FAM162A: variants seen among roughly 807,000 people sequenced by gnomAD.
The protein encoded by FAM162A is protein FAM162A.
A neutral mutation model predicts 21.8 loss-of-function variants in FAM162A; 23 were observed. The ratio of observed to expected loss-of-function variants is 1.05; its 90% CI spans 0.76 to 1.49. The LOEUF is 1.49. FAM162A is among the 40% of genes most tolerant of loss of function. The probability of loss-of-function intolerance (pLI) is 0.00; values close to 1 mark genes in which losing one functional copy is unlikely to be tolerated. For synonymous variants in FAM162A, 53 were observed against 61.3 expected (o/e 0.86, Z 0.64); for missense variants, 165 against 186.4 (o/e 0.89, Z 0.67).
chr3:122,401,136 A>T (rs1227257406), intron 1 of FAM162A, among the ~76,000 whole-genome samples: 1 of 152,048 alleles, frequency 6.6e-6, no homozygotes, highest in Admixed American at 6.5e-5. Context: ...TTTCTTTAAT[A>T]TATCTGAAAA....
At chr3:122,394,039 G>T (rs1273522650) in intron 1 of FAM162A, among the ~76,000 whole-genome samples, 5 of 152,154 alleles carry the variant, frequency 3.3e-5, no homozygotes, top group Admixed American at 2.0e-4. Flanking sequence ...GGAGGCCTTA[G>T]GAAACTTACA....
At chr3:122,399,956 T>C (rs951586114) in intron 1 of FAM162A, among the ~76,000 whole-genome samples, 1 of 152,024 alleles carries the variant, frequency 6.6e-6, no homozygotes, top group Non-Finnish European at 1.5e-5. Context: ...ATACAGAAAT[T>C]AGGCGGGTGT....
At chr3:122,399,356 C>T (rs1372098376) in intron 1 of FAM162A, among the ~76,000 whole-genome samples, 1 of 151,928 alleles carries the variant, frequency 6.6e-6, no homozygotes, top group African/African-American at 2.4e-5. Context: ...GACACAGTCT[C>T]ACTCTTGCCC....
chr3:122,397,574 AG>A (rs968347927), intron 1 of FAM162A, among the ~76,000 whole-genome samples: 1 of 152,136 alleles, frequency 6.6e-6, no homozygotes, highest in African/African-American at 2.4e-5. Context: ...CTAGGGACTC[AG>A]GGGCTCTTAG....
At chr3:122,398,992 T>C (rs139931193) in intron 1 of FAM162A, among the ~76,000 whole-genome samples, 1,770 of 152,316 alleles carry the variant, frequency 0.012, 19 homozygotes, top group Non-Finnish European at 0.016. Flanking sequence ...GGTAAACTTA[T>C]GTCACAGAGG....
intron 1 of FAM162A, among the ~76,000 whole-genome samples, chr3:122,398,964 G>T (rs1048768073): frequency 1.3e-5 from 2 of 152,162 alleles, no homozygotes; most frequent in African/African-American, 4.8e-5. Context: ...AGGGCTACAT[G>T]TGCAGGTTTG....
chr3:122,387,634 C>T (rs777400129), intron 1 of FAM162A, among the ~76,000 whole-genome samples: 7 of 152,186 alleles, frequency 4.6e-5, no homozygotes, highest in African/African-American at 1.2e-4. Context: ...TGAGAACGTA[C>T]GCATTTTAAC....
At chr3:122,393,444 T>C (rs9818363) in intron 1 of FAM162A, among the ~76,000 whole-genome samples, 55,957 of 151,946 alleles carry the variant, frequency 0.37, 11,520 homozygotes, top group East Asian at 0.65. Flanking sequence ...TTCACAATAG[T>C]CTTGAAAACC....
At chr3:122,385,382 ATGATTTCAT>A (rs1408194885) in intron 1 of FAM162A, among the ~76,000 whole-genome samples, 1 of 152,182 alleles carries the variant, frequency 6.6e-6, no homozygotes, top group Non-Finnish European at 1.5e-5. Context: ...CCTCAATACT[ATGATTTCAT>A]TGATTTTGTC....
chr3:122,402,931 A>G, intron 2 of FAM162A, 49 bp downstream of exon 2: 1 of 1,551,128 alleles, frequency 6.4e-7, no homozygotes, highest in Non-Finnish European at 8.7e-7. Flanking sequence ...CCCAAAGAGT[A>G]GGAAAACTTG....
chr3:122,402,255 AT>A (rs1158901019), intron 1 of FAM162A, among the ~76,000 whole-genome samples: 1 of 151,696 alleles, frequency 6.6e-6, no homozygotes, highest in Non-Finnish European at 1.5e-5. Context: ...TTAAAGTTAT[AT>A]GTAGTTCAAA....
chr3:122,395,975 G>A (rs1232620725), intron 1 of FAM162A, among the ~76,000 whole-genome samples: 1 of 152,152 alleles, frequency 6.6e-6, no homozygotes. Context: ...GTGGTGCTGG[G>A]AGAACTGGAT....
intron 1 of FAM162A, among the ~76,000 whole-genome samples, chr3:122,395,482 G>A (rs1050549023): frequency 6.6e-5 from 10 of 152,076 alleles, no homozygotes; most frequent in East Asian, 1.9e-4. Context: ...AAAGAATAAC[G>A]AAGTTTAAAA....
At chr3:122,407,507 A>G in intron 4 of FAM162A, 118 bp downstream of exon 4, 1 of 692,342 alleles carries the variant, frequency 1.4e-6, no homozygotes, top group South Asian at 2.1e-5. Flanking sequence ...TCTACATTAC[A>G]TGAGAAAAGA....
intron 1 of FAM162A, among the ~76,000 whole-genome samples, chr3:122,385,045 T>G (rs1412174079): frequency 6.6e-6 from 1 of 152,142 alleles, no homozygotes; most frequent in African/African-American, 2.4e-5. Flanking sequence ...ATTTTGACTC[T>G]TTTCTGGGTA....
chr3:122,402,650 A>G, intron 1 of FAM162A, 110 bp from the exon 2 acceptor site: 1 of 1,010,908 alleles, frequency 9.9e-7, no homozygotes, highest in Non-Finnish European at 1.4e-6. Flanking sequence ...TTCATTTCCT[A>G]AATGAACTAC....
At chr3:122,402,712 C>T (rs781338294) in intron 1 of FAM162A, 48 bp from the exon 2 acceptor site, 5 of 1,335,988 alleles carry the variant, frequency 3.7e-6, no homozygotes, top group Non-Finnish European at 5.0e-6. Context: ...GAGAAAACAT[C>T]ACATTTTCTT....
chr3:122,384,269 G>C lies in FAM162A; in HGVS notation c.4G>C (p.Gly2Arg), dbSNP rs1225542726. The C allele has an allele frequency of 1.3e-6, 2 of 1,576,528 alleles. No homozygotes were observed. The highest frequency in any genetic ancestry group is 3.7e-5 in the Admixed American group (2 of 54,000). M[G>R]SLSGLRLAAG... ...GTCGGCGGAGTAGCAAGTGGCCATG[G>C]GGAGCCTCAGCGGTCTGCGCCTGGC... is the stretch of plus-strand genomic sequence containing the variant. The change falls in exon 1 of 5, where the codon GGG becomes CGG. Residue 2 changes from glycine (G) to arginine (R), a missense_variant. Gly to Arg is a moderately radical substitution (Grantham distance 125). Transcript: ENST00000477892.
chr3:122,404,377 T>G lies in FAM162A; in HGVS notation c.263+14T>G. The G allele has an allele frequency of 7.1e-7, 1 of 1,401,856 alleles. No individual in the cohort carries two copies. Among genetic ancestry groups the G allele is most frequent in the East Asian group, 2.4e-5 (1 of 42,354 alleles). 86.8% of individuals were successfully genotyped at this position (1,401,856 alleles called of 1,614,324 possible). On this transcript the variant is annotated intron_variant, in intron 3 of 4. Coordinates refer to ENST00000477892, the MANE Select transcript of FAM162A (RefSeq NM_014367.4). ...AGAGACTGTCTCGTGAGTGCTGAAT[T>G]TAGTATTACAAGCAGCTTTCATTTC...
Sources: allele counts gnomAD v4.1 joint callset (sites outside exome capture counted in the v4.1 genomes callset), GRCh38; gene constraint gnomAD v4.1.1; transcripts MANE v1.5; gene names NCBI Gene and HGNC (gene_info 2026-07-23, HGNC 2026-07-21).